CLASP1: variants seen among roughly 807,000 people sequenced by gnomAD.
CLASP1 encodes CLIP-associating protein 1.
CLASP1 carries 38 observed loss-of-function variants against 192.3 expected under a neutral mutation model. That is an observed-to-expected ratio of 0.20 (90% CI 0.15 to 0.26). The LOEUF is 0.26. Among genes scored for constraint, CLASP1 ranks in the 10% least tolerant of loss-of-function variants. The pLI, the probability that CLASP1 is intolerant of heterozygous loss-of-function variation, is 1.00. For missense variants in CLASP1, 1,433 were observed against 1,932.5 expected (o/e 0.74, Z 4.85); for synonymous variants, 691 against 712.8 (o/e 0.97, Z 0.49).
intron 7 of CLASP1, among the ~76,000 whole-genome samples, 196 bp downstream of exon 7, chr2:121,515,469 C>A (rs141053497): frequency 6.6e-6 from 1 of 152,154 alleles, no homozygotes; most frequent in African/African-American, 2.4e-5. Context: ...GTGAGAAACT[C>A]TCATTTCTGA....
intron 6 of CLASP1, among the ~76,000 whole-genome samples, chr2:121,524,174 T>C (rs2094520185): frequency 6.6e-6 from 1 of 152,230 alleles, no homozygotes; most frequent in Non-Finnish European, 1.5e-5. Flanking sequence ...AGCAACTGAA[T>C]GAGGAGAGAA....
At chr2:121,574,133 T>C (rs1474186987) in intron 2 of CLASP1, among the ~76,000 whole-genome samples, 1 of 151,950 alleles carries the variant, frequency 6.6e-6, no homozygotes, top group African/African-American at 2.4e-5. Flanking sequence ...ATCGAGACTA[T>C]CCTGGCTAAC....
intron 6 of CLASP1, among the ~76,000 whole-genome samples, chr2:121,523,247 C>A (rs574936717): frequency 2.0e-5 from 3 of 152,206 alleles, no homozygotes; most frequent in Non-Finnish European, 4.4e-5. Flanking sequence ...CTGTTAAAGA[C>A]TCGACATTAT....
At chr2:121,599,154 T>C (rs1183510353) in intron 2 of CLASP1, among the ~76,000 whole-genome samples, 2 of 151,910 alleles carry the variant, frequency 1.3e-5, no homozygotes, top group Non-Finnish European at 2.9e-5. Context: ...TGATTCACTA[T>C]ACCTGGCCGT....
At chr2:121,463,838 T>C (rs1266973322) in intron 9 of CLASP1, among the ~76,000 whole-genome samples, 1 of 151,896 alleles carries the variant, frequency 6.6e-6, no homozygotes, top group Non-Finnish European at 1.5e-5. Context: ...TAATTTTCTA[T>C]TTTATTTTAT....
intron 8 of CLASP1, among the ~76,000 whole-genome samples, chr2:121,483,582 G>A (rs1228337127): frequency 6.6e-6 from 1 of 151,304 alleles, no homozygotes; most frequent in East Asian, 1.9e-4. Flanking sequence ...ATATATGTGT[G>A]TATACATATA....
At chr2:121,489,889 C>T (rs151168701) in intron 8 of CLASP1, among the ~76,000 whole-genome samples, 2 of 152,144 alleles carry the variant, frequency 1.3e-5, no homozygotes, top group Non-Finnish European at 2.9e-5. Flanking sequence ...AAATTTCTAG[C>T]CAGTAGATTA....
At chr2:121,612,292 G>A (rs1386201620) in intron 1 of CLASP1, among the ~76,000 whole-genome samples, 2 of 150,848 alleles carry the variant, frequency 1.3e-5, no homozygotes, top group Non-Finnish European at 3.0e-5. Flanking sequence ...GGAGGAGGAG[G>A]AGTTACAAGA....
intron 2 of CLASP1, among the ~76,000 whole-genome samples, chr2:121,535,062 T>C (rs2095016091): frequency 6.6e-6 from 1 of 152,130 alleles, no homozygotes; most frequent in Non-Finnish European, 1.5e-5. Context: ...CGGATTGCCT[T>C]AGCTTAGGAG....
At chr2:121,586,269 G>C (rs2061704148) in intron 2 of CLASP1, among the ~76,000 whole-genome samples, 1 of 152,094 alleles carries the variant, frequency 6.6e-6, no homozygotes, top group African/African-American at 2.4e-5. Context: ...TGGGATTCCA[G>C]GCACACGCCA....
chr2:121,356,772 C>T (rs2065468267), intron 37 of CLASP1, among the ~76,000 whole-genome samples: 1 of 152,116 alleles, frequency 6.6e-6, no homozygotes. Context: ...ACATCCTTGC[C>T]TGGAAAAGGA....
chr2:121,440,676 G>A (rs2083168080), intron 19 of CLASP1, among the ~76,000 whole-genome samples: 1 of 152,132 alleles, frequency 6.6e-6, no homozygotes, highest in African/African-American at 2.4e-5. Flanking sequence ...AAGTGACAGA[G>A]TAAGACCCCA....
At chr2:121,497,845 G>A (rs144313478) in intron 8 of CLASP1, among the ~76,000 whole-genome samples, 2,016 of 152,008 alleles carry the variant, frequency 0.013, 44 homozygotes, top group African/African-American at 0.045. Context: ...CCAGCCTCCC[G>A]AATAGCTAGG....
chr2:121,436,435 G>C lies in CLASP1; in HGVS notation c.1913-6258C>G, dbSNP rs1409282942. Among the ~76,000 whole-genome samples the C allele has an allele frequency of 2.7e-5, 4 of 148,712 alleles. No individual in the cohort carries two copies. The South Asian group carries it at 6.4e-4, about 24-fold the overall frequency. ...GTGTCTTTTTTTTTTTTTTGAGACA[G>C]AGTCTCACTCTGTTGCCCAGGCTGG... On this transcript the variant is annotated intron_variant, in intron 19 of 39. Transcript: ENST00000263710.
chr2:121,446,615 C>T (rs2084392319), intron 19 of CLASP1, among the ~76,000 whole-genome samples: 1 of 152,132 alleles, frequency 6.6e-6, no homozygotes, highest in African/African-American at 2.4e-5. Flanking sequence ...CTTACAAAAA[C>T]AAAACGAAAT....
intron 8 of CLASP1, among the ~76,000 whole-genome samples, chr2:121,502,660 G>A (rs753555312): frequency 4.6e-5 from 7 of 152,204 alleles, no homozygotes; most frequent in Admixed American, 6.5e-5. Flanking sequence ...GCCAGATCAC[G>A]CAAGGCCCAG....
At chr2:121,451,947 T>C in intron 14 of CLASP1, 98 bp from the exon 15 acceptor site, 2 of 778,718 alleles carry the variant, frequency 2.6e-6, no homozygotes, top group South Asian at 3.3e-5. Context: ...TTTTTATAAT[T>C]AGTACATTTC....
At chr2:121,498,318 G>A (rs920717977) in intron 8 of CLASP1, among the ~76,000 whole-genome samples, 1 of 148,560 alleles carries the variant, frequency 6.7e-6, no homozygotes, top group Non-Finnish European at 1.5e-5. Context: ...CCACCTCAGG[G>A]CCACCCCACC....
At chr2:121,378,157 T>C (rs951548621) in intron 33 of CLASP1, among the ~76,000 whole-genome samples, 7 of 152,096 alleles carry the variant, frequency 4.6e-5, no homozygotes, top group African/African-American at 1.7e-4. Flanking sequence ...TAAAACCCTA[T>C]TAAAACAAAA....
Sources: allele counts gnomAD v4.1 joint callset (sites outside exome capture counted in the v4.1 genomes callset), GRCh38; gene constraint gnomAD v4.1.1; transcripts MANE v1.5; gene names NCBI Gene and HGNC (gene_info 2026-07-23, HGNC 2026-07-21).